Variants in MED13 observed in about 807,000 individuals in gnomAD.
MED13 encodes mediator complex subunit 13.
MED13 carries 23 observed loss-of-function variants against 225.2 expected under a neutral mutation model. The ratio of observed to expected loss-of-function variants is 0.10; its 90% CI spans 0.07 to 0.14. MED13 has a LOEUF of 0.14. Ranked by LOEUF, MED13 falls within the 10% of genes least tolerant of loss-of-function variation. MED13 has a pLI of 1.00. For missense variants in MED13, 2,197 were observed against 2,594.5 expected, an observed-to-expected ratio of 0.85 and a Z score of 3.33; for synonymous variants, 942 against 889.2, an observed-to-expected ratio of 1.06 and a Z score of -1.06.
intron 26 of MED13, among the ~76,000 whole-genome samples, chr17:61,954,348 T>C (rs973195511): frequency 1.3e-5 from 2 of 152,180 alleles, no homozygotes; most frequent in African/African-American, 2.4e-5. Flanking sequence ...CGTCCCTACT[T>C]TGGCAGTTTA....
chr17:61,959,260 C>T (rs901991974), intron 23 of MED13, among the ~76,000 whole-genome samples: 3 of 152,140 alleles, frequency 2.0e-5, no homozygotes, highest in Non-Finnish European at 4.4e-5. Flanking sequence ...GGTGATCCAC[C>T]TGCCTTGGCC....
rs144675897 is a variant in MED13, at chr17:62,002,921, T to C, written c.1968-7556A>G. On this transcript the variant is annotated intron_variant, in intron 9 of 29. Coordinates refer to ENST00000397786, the MANE Select transcript of MED13 (RefSeq NM_005121.3). Reference sequence around the variant, plus strand: ...AACACTTCTAACACTTCGAGCTGGATAATTTTTTGTTATGGGAGATTATCC... The same window carrying C: ...AACACTTCTAACACTTCGAGCTGGACAATTTTTTGTTATGGGAGATTATCC... 7.2e-5 allele frequency among the ~76,000 whole-genome samples: 11 copies of C among 152,362 alleles called. No homozygotes were observed. The East Asian group carries it at 2.1e-3, about 29-fold the overall frequency.
Position 61,945,168 on chromosome 17 carries a change from G to C in MED13, c.*1300C>G, listed in dbSNP as rs190215380. ...AAATGGTTCTTTCACTAGTGGAATA[G>C]AGTCTGAATACCAGAATTCACTGAG... On this transcript the variant is annotated 3_prime_UTR_variant, in exon 30 of 30. Coordinates refer to ENST00000397786, the MANE Select transcript of MED13 (RefSeq NM_005121.3). The C allele has an allele frequency of 1.3e-4, 20 of 152,240 alleles. No individual in the cohort carries two copies. Among genetic ancestry groups the C allele is most frequent in the African/African-American group, 4.6e-4 (19 of 41,522 alleles). 9.4% of individuals were successfully genotyped at this position (152,240 alleles called of 1,614,324 possible).
intron 2 of MED13, among the ~76,000 whole-genome samples, chr17:62,060,110 G>A (rs778158494): frequency 2.6e-5 from 4 of 151,736 alleles, no homozygotes; most frequent in Non-Finnish European, 4.4e-5. Context: ...TGGCGAACAC[G>A]GTGAAACCCC....
At chr17:61,976,751 G>A (rs537439493) in intron 16 of MED13, among the ~76,000 whole-genome samples, 9 of 152,084 alleles carry the variant, frequency 5.9e-5, no homozygotes, top group Non-Finnish European at 8.8e-5. Flanking sequence ...TGGCTAACAC[G>A]TTGAAACCCG....
At chr17:62,043,939 G>C (rs2080876929) in intron 3 of MED13, among the ~76,000 whole-genome samples, 1 of 151,760 alleles carries the variant, frequency 6.6e-6, no homozygotes, top group Non-Finnish European at 1.5e-5. Context: ...ACTTCTACTG[G>C]ACAGTACATT....
Position 62,025,538 on chromosome 17 carries a change from C to T in MED13, c.1283+4003G>A, listed in dbSNP as rs1463929120. 3.9e-5 allele frequency among the ~76,000 whole-genome samples: 6 copies of T among 152,044 alleles called. No individual in the cohort carries two copies. In the East Asian group the frequency reaches 9.6e-4, roughly 24 times the overall value. On this transcript the variant is annotated intron_variant, in intron 8 of 29. Transcript: ENST00000397786. ...ACAAAAAATTAGCCAGGTATGGTGG[C>T]GCGTGCCTATAGTCCTGGCTATTCT...
intron 16 of MED13, among the ~76,000 whole-genome samples, chr17:61,978,673 G>GGTA (rs2143440012): frequency 6.6e-6 from 1 of 152,044 alleles, no homozygotes; most frequent in South Asian, 2.1e-4. Flanking sequence ...CTAGAGTCAT[G>GGTA]GTAGTATATA....
rs146201981 is a variant in MED13 at position 62,033,401 on chromosome 17, T to C, written c.814+386A>G. 3.4e-3 allele frequency among the ~76,000 whole-genome samples: 525 copies of C among 152,328 alleles called. 2 individuals carry two copies. The highest frequency in any genetic ancestry group is 0.011 in the African/African-American group (472 of 41,586). On this transcript the variant is annotated intron_variant, in intron 5 of 29. Transcript: ENST00000397786. ...AGCATGCTTCCCTCTAGACAGAATA[T>C]ATTTCCCTGCCCCAATGACTTTGGC...
chr17:61,979,345 T>A (rs2080183818), intron 16 of MED13, among the ~76,000 whole-genome samples: 1 of 152,196 alleles, frequency 6.6e-6, no homozygotes, highest in Non-Finnish European at 1.5e-5. Flanking sequence ...AATCTCACTC[T>A]GTCAAATAGG....
intron 8 of MED13, among the ~76,000 whole-genome samples, chr17:62,016,810 A>C (rs1603403090): frequency 6.6e-6 from 1 of 152,160 alleles, no homozygotes; most frequent in Non-Finnish European, 1.5e-5. Context: ...GGGGTTCTAG[A>C]CCAGCCTAGC....
At chr17:62,058,810 A>C (rs139574058) in intron 2 of MED13, among the ~76,000 whole-genome samples, 417 of 152,334 alleles carry the variant, frequency 2.7e-3, no homozygotes, top group African/African-American at 9.7e-3. Flanking sequence ...GCTCAACGGT[A>C]TTGACTTACT....
chr17:62,048,538 G>A (rs374513716), intron 3 of MED13, among the ~76,000 whole-genome samples: 3 of 152,094 alleles, frequency 2.0e-5, no homozygotes, highest in Middle Eastern at 3.4e-3. Context: ...TGAAACAGAG[G>A]GACTCAGAAT....
At chr17:62,018,895 T>C (rs1567982116) in intron 8 of MED13, among the ~76,000 whole-genome samples, 1 of 152,232 alleles carries the variant, frequency 6.6e-6, no homozygotes, top group South Asian at 2.1e-4. Context: ...TTCAGATCTA[T>C]ATAACCCAGT....
At chr17:62,041,287 A>G (rs2080850083) in intron 3 of MED13, among the ~76,000 whole-genome samples, 1 of 152,236 alleles carries the variant, frequency 6.6e-6, no homozygotes, top group Admixed American at 6.5e-5. Context: ...AAAAAAGGAC[A>G]AATACTACAT....
chr17:61,981,461 G>A (rs2080203898), intron 16 of MED13, among the ~76,000 whole-genome samples: 1 of 152,166 alleles, frequency 6.6e-6, no homozygotes, highest in South Asian at 2.1e-4. Context: ...GCTGGTGAAT[G>A]GCTACCTCCT....
intron 29 of MED13, 62 bp downstream of exon 29, chr17:61,946,855 G>C: frequency 7.0e-7 from 1 of 1,432,686 alleles, no homozygotes; most frequent in Non-Finnish European, 9.8e-7. Context: ...AAATATATAA[G>C]AATCAACATT....
At chr17:62,064,805 G>A (rs1568011866) in intron 1 of MED13, among the ~76,000 whole-genome samples, 1 of 152,150 alleles carries the variant, frequency 6.6e-6, no homozygotes, top group African/African-American at 2.4e-5. Context: ...GGGATACAGG[G>A]CCAATAAGGA....
intron 11 of MED13, among the ~76,000 whole-genome samples, chr17:61,988,011 G>A (rs1343570398): frequency 6.6e-6 from 1 of 151,850 alleles, no homozygotes; most frequent in Non-Finnish European, 1.5e-5. Flanking sequence ...TGAAGTGCTG[G>A]GATTACAGGT....
Sources: gnomAD v4.1 joint callset for allele counts (sites outside exome capture counted in the v4.1 genomes callset) on GRCh38, gnomAD v4.1.1 for gene constraint, MANE v1.5 for transcripts, NCBI Gene and HGNC (gene_info 2026-07-23, HGNC 2026-07-21) for gene names.